Variants in ADAMTSL1 observed in about 807,000 individuals in gnomAD.
ADAMTSL1 encodes ADAMTS like 1, also known as ADAMTS-like protein 1.
ADAMTSL1 carries 126 observed loss-of-function variants against 201.8 expected under a neutral mutation model. That is an observed-to-expected ratio of 0.62 (90% CI 0.54 to 0.72). The LOEUF (loss-of-function observed/expected upper bound fraction) is 0.72, where lower values mean the gene tolerates loss of function less well. ADAMTSL1 is among the 30% of genes least tolerant of loss of function. The pLI is 0.00. For synonymous variants in ADAMTSL1, 1,121 were observed against 903.4 expected (o/e 1.24, Z -4.32); for missense variants, 2,679 against 2,277.8 (o/e 1.18, Z -3.59).
At chr9:18,104,340 G>C (rs940231802) in intron 1 of ADAMTSL1, among the ~76,000 whole-genome samples, 3 of 152,136 alleles carry the variant, frequency 2.0e-5, no homozygotes, top group African/African-American at 4.8e-5. Flanking sequence ...CAAATAAAGG[G>C]ACGAAGTCAG....
intron 1 of ADAMTSL1, among the ~76,000 whole-genome samples, chr9:18,008,436 G>A (rs577252826): frequency 6.6e-6 from 1 of 152,036 alleles, no homozygotes; most frequent in African/African-American, 2.4e-5. Context: ...GCGTGATTCA[G>A]CTCTTGTCTG....
intron 1 of ADAMTSL1, among the ~76,000 whole-genome samples, chr9:18,097,503 A>G (rs1824304198): frequency 6.6e-6 from 1 of 152,218 alleles, no homozygotes; most frequent in Admixed American, 6.5e-5. Context: ...TGTATTCTTC[A>G]AAGTCATTAC....
chr9:18,776,293 G>A (rs545584882), intron 18 of ADAMTSL1, among the ~76,000 whole-genome samples: 4 of 152,322 alleles, frequency 2.6e-5, no homozygotes, highest in Admixed American at 1.3e-4. Flanking sequence ...TCCTTACCAT[G>A]TCCTTTAGGG....
intron 4 of ADAMTSL1, among the ~76,000 whole-genome samples, chr9:18,587,528 C>G (rs1194489265): frequency 6.6e-6 from 1 of 152,100 alleles, no homozygotes; most frequent in Non-Finnish European, 1.5e-5. Context: ...TGGAAATATA[C>G]AATAACTTAT....
chr9:18,280,056 G>A (rs1832725886), intron 2 of ADAMTSL1, among the ~76,000 whole-genome samples: 1 of 152,160 alleles, frequency 6.6e-6, no homozygotes, highest in Non-Finnish European at 1.5e-5. Flanking sequence ...GTCTGCTGAA[G>A]TAGGCTTGAA....
At chr9:18,654,309 C>G (rs1828485748) in intron 7 of ADAMTSL1, among the ~76,000 whole-genome samples, 1 of 152,168 alleles carries the variant, frequency 6.6e-6, no homozygotes, top group Non-Finnish European at 1.5e-5. Flanking sequence ...ATGATAAAAT[C>G]AAGTGATCAG....
chr9:18,477,143 G>T (rs752687708), intron 1 of ADAMTSL1, among the ~76,000 whole-genome samples: 3 of 152,008 alleles, frequency 2.0e-5, no homozygotes, highest in Non-Finnish European at 2.9e-5. Flanking sequence ...TCTCTCCTTT[G>T]TCCCAATTGT....
intron 2 of ADAMTSL1, among the ~76,000 whole-genome samples, chr9:18,432,573 T>C (rs1819543459): frequency 6.6e-6 from 1 of 152,174 alleles, no homozygotes; most frequent in Non-Finnish European, 1.5e-5. Flanking sequence ...AATTATCAAA[T>C]GCTTTGCTAA....
intron 1 of ADAMTSL1, among the ~76,000 whole-genome samples, chr9:18,480,092 C>T (rs747184917): frequency 6.6e-6 from 1 of 152,134 alleles, no homozygotes; most frequent in Non-Finnish European, 1.5e-5. Flanking sequence ...TTTTTCAAAA[C>T]TTGTCCTCAG....
intron 1 of ADAMTSL1, among the ~76,000 whole-genome samples, chr9:18,495,220 C>T (rs776992159): frequency 6.6e-6 from 1 of 152,124 alleles, no homozygotes; most frequent in Non-Finnish European, 1.5e-5. Context: ...CTGACTCACG[C>T]AGGACTCAGG....
chr9:17,947,246 G>GTA (rs1036848565), intron 1 of ADAMTSL1, among the ~76,000 whole-genome samples: 2 of 149,782 alleles, frequency 1.3e-5, no homozygotes, highest in Non-Finnish European at 3.0e-5. Flanking sequence ...GTATGTGTTT[G>GTA]TATATATATA....
intron 1 of ADAMTSL1, among the ~76,000 whole-genome samples, chr9:18,132,033 C>A (rs749692326): frequency 6.6e-5 from 10 of 152,098 alleles, no homozygotes; most frequent in Non-Finnish European, 1.2e-4. Flanking sequence ...GATTTGTCAC[C>A]TGAGCTCTGA....
intron 1 of ADAMTSL1, among the ~76,000 whole-genome samples, chr9:18,015,595 G>GT (rs1820224461): frequency 6.6e-6 from 1 of 152,000 alleles, no homozygotes; most frequent in Non-Finnish European, 1.5e-5. Context: ...AGTCAGGTGG[G>GT]TATTCTTCCC....
intron 2 of ADAMTSL1, among the ~76,000 whole-genome samples, chr9:18,169,595 A>C (rs1172555290): frequency 2.6e-5 from 4 of 152,006 alleles, no homozygotes; most frequent in Admixed American, 2.6e-4. Flanking sequence ...CTTAGGATTG[A>C]CTTGGCGATG....
chr9:18,104,528 G>C (rs1468612570), intron 1 of ADAMTSL1, among the ~76,000 whole-genome samples: 1 of 152,260 alleles, frequency 6.6e-6, no homozygotes, highest in Non-Finnish European at 1.5e-5. Flanking sequence ...ACCTCTGGGA[G>C]CTAAACAGTA....
intron 2 of ADAMTSL1, among the ~76,000 whole-genome samples, chr9:18,515,215 G>A (rs1818291717): frequency 6.6e-6 from 1 of 152,154 alleles, no homozygotes; most frequent in East Asian, 1.9e-4. Flanking sequence ...AATGATTTTA[G>A]TGTGTATCCA....
chr9:18,036,881 C>T (rs1306285042), intron 1 of ADAMTSL1, among the ~76,000 whole-genome samples: 1 of 152,094 alleles, frequency 6.6e-6, no homozygotes, highest in East Asian at 1.9e-4. Flanking sequence ...ACAGTAGTGT[C>T]CTGCTATTTT....
intron 21 of ADAMTSL1, among the ~76,000 whole-genome samples, chr9:18,822,452 C>G (rs746303895): frequency 1.3e-5 from 2 of 152,184 alleles, no homozygotes; most frequent in African/African-American, 4.8e-5. Flanking sequence ...CAGATTTTCT[C>G]TCAAGAGTCA....
chr9:18,085,587 T>C lies in ADAMTSL1; in HGVS notation c.88-78275T>C, dbSNP rs370997024. Among the ~76,000 whole-genome samples the C allele has an allele frequency of 3.0e-4, 43 of 144,216 alleles. No individual in the cohort carries two copies. In the East Asian group the frequency reaches 7.5e-3, roughly 25 times the overall value. 94.6% of individuals were successfully genotyped at this position (144,216 alleles called of 152,430 possible). On this transcript the variant is annotated intron_variant, in intron 1 of 29. Transcript: ENST00000680146. ...TGTATACATATATACACACTGTGTG[T>C]GTGTATACGTATATACACTGTGTGT...
Sources: allele counts gnomAD v4.1 joint callset (sites outside exome capture counted in the v4.1 genomes callset), GRCh38; gene constraint gnomAD v4.1.1; transcripts MANE v1.5; gene names NCBI Gene and HGNC (gene_info 2026-07-23, HGNC 2026-07-21).